The following CADM2 variants were observed in gnomAD, a reference collection of about 807,000 sequenced individuals.
The protein encoded by CADM2 is immunoglobulin superfamily member 4D.
A neutral mutation model predicts 49.8 loss-of-function variants in CADM2; 12 were observed. That is an observed-to-expected ratio of 0.24 (90% CI 0.15 to 0.39). The LOEUF (loss-of-function observed/expected upper bound fraction) is 0.39. Among genes scored for constraint, CADM2 ranks in the 10% least tolerant of loss-of-function variants. The probability of loss-of-function intolerance (pLI) is 1.00; values close to 1 mark genes in which losing one functional copy is unlikely to be tolerated. For missense variants in CADM2, 378 were observed against 492.3 expected, an observed-to-expected ratio of 0.77 and a Z score of 2.20; for synonymous variants, 214 against 175.4, an observed-to-expected ratio of 1.22 and a Z score of -1.74.
chr3:85,859,538 G>A (rs569083502), intron 3 of CADM2, among the ~76,000 whole-genome samples: 1 of 152,050 alleles, frequency 6.6e-6, no homozygotes, highest in Non-Finnish European at 1.5e-5. Context: ...GGCCCATCCT[G>A]TGCTTTTCTA....
chr3:85,451,477 C>A (rs539346999), intron 1 of CADM2, among the ~76,000 whole-genome samples: 97 of 152,184 alleles, frequency 6.4e-4, no homozygotes, highest in African/African-American at 2.2e-3. Flanking sequence ...AATAGTACTG[C>A]AGATGAACAC....
chr3:85,661,293 C>G (rs1022633552), intron 1 of CADM2, among the ~76,000 whole-genome samples: 15 of 152,066 alleles, frequency 9.9e-5, no homozygotes, highest in African/African-American at 3.4e-4. Flanking sequence ...AGATGATTAG[C>G]TCAAGGACTA....
intron 1 of CADM2, among the ~76,000 whole-genome samples, chr3:85,244,823 G>T (rs1255856800): frequency 2.0e-5 from 3 of 152,142 alleles, no homozygotes; most frequent in Non-Finnish European, 2.9e-5. Context: ...ATAATCTGTA[G>T]AAGAAATATT....
At chr3:85,269,066 A>G (rs2043179154) in intron 1 of CADM2, among the ~76,000 whole-genome samples, 1 of 151,420 alleles carries the variant, frequency 6.6e-6, no homozygotes, top group Non-Finnish European at 1.5e-5. Flanking sequence ...AAAATAAAAT[A>G]AATTGTTGCT....
intron 1 of CADM2, among the ~76,000 whole-genome samples, chr3:85,107,031 C>T (rs1054822271): frequency 5.9e-5 from 9 of 152,078 alleles, no homozygotes; most frequent in African/African-American, 1.9e-4. Flanking sequence ...GAGACAGAAG[C>T]AGCCAAAGAG....
chr3:84,974,300 G>A (rs2107106720), intron 1 of CADM2, among the ~76,000 whole-genome samples: 1 of 151,842 alleles, frequency 6.6e-6, no homozygotes, highest in South Asian at 2.1e-4. Flanking sequence ...GTTCAGTTTA[G>A]GGACTTACTT....
At chr3:85,438,730 G>A (rs1488295363) in intron 1 of CADM2, among the ~76,000 whole-genome samples, 1 of 151,924 alleles carries the variant, frequency 6.6e-6, no homozygotes, top group African/African-American at 2.4e-5. Flanking sequence ...TGTAGTGCAA[G>A]GGCATAATCA....
intron 2 of CADM2, among the ~76,000 whole-genome samples, chr3:85,788,130 G>A (rs942689238): frequency 6.6e-6 from 1 of 152,004 alleles, no homozygotes; most frequent in Non-Finnish European, 1.5e-5. Flanking sequence ...GCTGTTCACA[G>A]TTGTTTTCCC....
At chr3:85,941,170 C>T (rs1721844551) in intron 7 of CADM2, among the ~76,000 whole-genome samples, 1 of 151,980 alleles carries the variant, frequency 6.6e-6, no homozygotes, top group Non-Finnish European at 1.5e-5. Flanking sequence ...TTGTATAATA[C>T]ATCATAACAA....
intron 1 of CADM2, among the ~76,000 whole-genome samples, chr3:85,028,886 A>C (rs1288762609): frequency 6.6e-6 from 1 of 151,754 alleles, no homozygotes; most frequent in Non-Finnish European, 1.5e-5. Flanking sequence ...TATTATCCAA[A>C]TCCCTAGAAT....
rs773598741 is a variant in CADM2, at chr3:84,995,038, A to G, written c.61+35370A>G. ...GTGTGAGACTCTGTCTCAAAAAATA[A>G]ATAAATAAATAAAAGAATATGTAAG... On this transcript the variant is annotated intron_variant, in intron 1 of 9. Transcript: ENST00000383699. 1.7e-3 allele frequency among the ~76,000 whole-genome samples: 259 copies of G among 152,286 alleles called. 4 individuals are homozygous for G. The highest frequency in any genetic ancestry group is 9.9e-4 in the Non-Finnish European group (67 of 68,018).
At chr3:85,808,175 T>C (rs958056160) in intron 3 of CADM2, among the ~76,000 whole-genome samples, 2 of 152,224 alleles carry the variant, frequency 1.3e-5, no homozygotes, top group African/African-American at 4.8e-5. Flanking sequence ...TCTTTTTCTA[T>C]AATACTTAAG....
intron 3 of CADM2, among the ~76,000 whole-genome samples, chr3:85,826,334 C>G (rs1398128148): frequency 6.6e-6 from 1 of 151,984 alleles, no homozygotes; most frequent in Non-Finnish European, 1.5e-5. Flanking sequence ...ATGCACTTAT[C>G]CTTAATCATT....
intron 3 of CADM2, among the ~76,000 whole-genome samples, chr3:85,816,183 C>G (rs190039411): frequency 5.3e-5 from 8 of 151,168 alleles, no homozygotes; most frequent in African/African-American, 1.7e-4. Flanking sequence ...ATGCCCTCCC[C>G]CATAGTGAAT....
chr3:85,635,788 A>G (rs138041507), intron 1 of CADM2, among the ~76,000 whole-genome samples: 501 of 152,296 alleles, frequency 3.3e-3, no homozygotes, highest in Non-Finnish European at 4.8e-3. Context: ...TGAGTTAAAA[A>G]TATATGTACA....
intron 1 of CADM2, among the ~76,000 whole-genome samples, chr3:85,250,535 G>C (rs1286686721): frequency 6.6e-6 from 1 of 151,356 alleles, no homozygotes; most frequent in Non-Finnish European, 1.5e-5. Context: ...TACACAAATT[G>C]AGCAAATGTA....
At chr3:85,221,254 A>G (rs974465331) in intron 1 of CADM2, among the ~76,000 whole-genome samples, 6 of 152,248 alleles carry the variant, frequency 3.9e-5, no homozygotes, top group African/African-American at 1.4e-4. Flanking sequence ...CAGTAATTTA[A>G]TGTGGTTATC....
chr3:85,079,106 T>C (rs551417584), intron 1 of CADM2, among the ~76,000 whole-genome samples: 1 of 151,880 alleles, frequency 6.6e-6, no homozygotes, highest in Non-Finnish European at 1.5e-5. Flanking sequence ...TAATTTTTAT[T>C]ATCTAAAAGA....
chr3:85,461,036 A>G (rs2038222105), intron 1 of CADM2, among the ~76,000 whole-genome samples: 1 of 152,176 alleles, frequency 6.6e-6, no homozygotes, highest in South Asian at 2.1e-4. Flanking sequence ...ATTTTAATTC[A>G]CAAACTTTAT....
Sources: gnomAD v4.1 joint callset for allele counts (sites outside exome capture counted in the v4.1 genomes callset) on GRCh38, gnomAD v4.1.1 for gene constraint, MANE v1.5 for transcripts, NCBI Gene and HGNC (gene_info 2026-07-23, HGNC 2026-07-21) for gene names.